The following DRG2 variants were observed in gnomAD, a reference collection of about 807,000 sequenced individuals.
DRG2 encodes the protein developmentally-regulated GTP-binding protein 2.
In DRG2, 36 loss-of-function variants were observed where a neutral mutation model predicts 53.4. The ratio of observed to expected loss-of-function variants is 0.67; its 90% CI spans 0.52 to 0.89. The LOEUF (loss-of-function observed/expected upper bound fraction) is 0.89. Ranked by LOEUF, DRG2 falls within the 40% of genes least tolerant of loss-of-function variation. DRG2 has a pLI of 0.00. For missense variants in DRG2, 342 were observed against 481.2 expected, an observed-to-expected ratio of 0.71 and a Z score of 2.71; for synonymous variants, 167 against 192.1, an observed-to-expected ratio of 0.87 and a Z score of 1.08.
intron 1 of DRG2, among the ~76,000 whole-genome samples, chr17:18,090,837 A>G (rs2045322212): frequency 7.0e-6 from 1 of 143,304 alleles, no homozygotes; most frequent in African/African-American, 2.6e-5. Context: ...CACCCGGCCA[A>G]TTTTTATGTT....
intron 2 of DRG2, chr17:18,097,942 G>A: frequency 5.2e-6 from 1 of 192,110 alleles, no homozygotes; most frequent in South Asian, 1.2e-4. Context: ...AAGTTCTCTG[G>A]GGCCAAGAGG....
At position 18,107,805 on chromosome 17, in the gene DRG2, G is replaced by A. The variant is rs1204318724; in HGVS notation, c.*565G>A. 3 of 154,898 alleles carry A rather than the reference G, an allele frequency of 1.9e-5. No homozygotes were observed. In the East Asian group the frequency reaches 5.7e-4, roughly 29 times the overall value. 9.6% of individuals were successfully genotyped at this position (154,898 alleles called of 1,614,324 possible). ...TCCACAGCCTAAGGGGTGTCCTAAA[G>A]TGCCTCCCCCTGTATTCCCCCTCCC... On this transcript the variant is annotated 3_prime_UTR_variant, in exon 13 of 13. Transcript: ENST00000225729.
chr17:18,091,576 G>C (rs2045335003), intron 1 of DRG2, among the ~76,000 whole-genome samples: 1 of 151,844 alleles, frequency 6.6e-6, no homozygotes, highest in Admixed American at 6.6e-5. Context: ...ACACCAGTGA[G>C]ACTTTGTTGG....
chr17:18,101,503 T>G lies in DRG2; in HGVS notation c.642T>G (p.Asn214Lys). 1 of 1,614,146 alleles carries G rather than the reference T, an allele frequency of 6.2e-7. No individual in the cohort carries two copies. Among genetic ancestry groups the G allele is most frequent in the Non-Finnish European group, 8.5e-7 (1 of 1,180,032 alleles). Residue 214 changes from asparagine to lysine, a missense_variant, in exon 8 of 13, where the codon AAT (asparagine) becomes AAG (lysine). Transcript: ENST00000225729. Reference sequence around the variant, plus strand: ...ATCGGAGCCCCTCAGAGATCTTCAATGCAGAAGTGCTTTTCCGAGAAGACT... The same window carrying G: ...ATCGGAGCCCCTCAGAGATCTTCAAGGCAGAAGTGCTTTTCCGAGAAGACT... ...QLILHEYKIF[N>K]AEVLFREDCS...
At position 18,099,991 on chromosome 17, in the gene DRG2, C is replaced by T; in HGVS notation, c.467+268C>T. 1.7e-6 allele frequency: 1 copy of T among 587,022 alleles called. No individual in the cohort carries two copies. Among genetic ancestry groups the T allele is most frequent in the East Asian group, 2.8e-5 (1 of 35,296 alleles). The allele number at this position is 587,022 out of a possible 1,614,324, so 36.4% of individuals were successfully genotyped here. Reference sequence around the variant, plus strand: ...GTTCAGAGGCACAGGTGCCTCATCACTGCCCAGAACCTGCCAGGAGCCCAG... The same window carrying T: ...GTTCAGAGGCACAGGTGCCTCATCATTGCCCAGAACCTGCCAGGAGCCCAG... On this transcript the variant is annotated intron_variant, in intron 5 of 12. Coordinates refer to ENST00000225729, the MANE Select transcript of DRG2 (RefSeq NM_001388.5). This position sits in a 1 kb window ranked among gnomAD's most constrained non-coding sequence, Gnocchi z 4.4.
At chr17:18,090,382 ATATATATATATATATATATATATATTTTT>A (rs2045299307) in intron 1 of DRG2, among the ~76,000 whole-genome samples, 3 of 9,628 alleles carry the variant, frequency 3.1e-4, no homozygotes, top group East Asian at 4.7e-3. Context: ...ATATATATAT[ATATATATATATATATATATATATATTTTT>A]TTTTTTTTTT....
chr17:18,093,175 C>T (rs1161243028), intron 1 of DRG2, among the ~76,000 whole-genome samples: 1 of 152,158 alleles, frequency 6.6e-6, no homozygotes, highest in African/African-American at 2.4e-5. Flanking sequence ...GCCCCCTGCC[C>T]AATAGATGCC....
intron 2 of DRG2, chr17:18,096,661 G>A (rs1277083765): frequency 3.3e-5 from 5 of 152,400 alleles, no homozygotes; most frequent in African/African-American, 9.6e-5. Context: ...CCATCTGGGC[G>A]CTGACTTACT....
At chr17:18,088,832 C>T (rs1175299767) in intron 1 of DRG2, among the ~76,000 whole-genome samples, 1 of 152,210 alleles carries the variant, frequency 6.6e-6, no homozygotes, top group Non-Finnish European at 1.5e-5. Context: ...AACGATGACA[C>T]CAGGACAAAG....
At chr17:18,101,774 C>G (rs1004971138) in intron 8 of DRG2, 147 bp from the exon 9 acceptor site, 2 of 1,137,070 alleles carry the variant, frequency 1.8e-6, no homozygotes, top group Non-Finnish European at 2.5e-6. Context: ...TCCAGCCCAG[C>G]CTTCCCAACC....
intron 1 of DRG2, among the ~76,000 whole-genome samples, chr17:18,089,181 C>T (rs1307393140): frequency 1.3e-5 from 2 of 152,172 alleles, no homozygotes; most frequent in Non-Finnish European, 2.9e-5. Context: ...TTCTGTCACC[C>T]AGGCTAGAGT....
chr17:18,101,794 C>A, intron 8 of DRG2, 127 bp from the exon 9 acceptor site: 3 of 1,212,342 alleles, frequency 2.5e-6, no homozygotes, highest in Non-Finnish European at 3.5e-6. Context: ...CCTGAGGCAG[C>A]AAGGGGAGGA....
At chr17:18,090,372 A>ATT (rs1567597852) in intron 1 of DRG2, among the ~76,000 whole-genome samples, 5 of 9,420 alleles carry the variant, frequency 5.3e-4, no homozygotes, top group Non-Finnish European at 6.8e-4. Flanking sequence ...GCTAATTTAT[A>ATT]TATATATATA....
In DRG2 at chr17:18,102,669, A is replaced by G. The variant is rs894217026; in HGVS notation, c.806+672A>G. ...GGCTTCTTAACTTAGTAGTGAACCAAGGTCCCCCCAAGAAGCCCTGGGTGT... is the reference window on the plus strand; with the variant it reads ...GGCTTCTTAACTTAGTAGTGAACCAGGGTCCCCCCAAGAAGCCCTGGGTGT... On this transcript the variant is annotated intron_variant, in intron 9 of 12. Transcript: ENST00000225729. 1.3e-4 allele frequency among the ~76,000 whole-genome samples: 20 copies of G among 150,524 alleles called. No homozygotes were observed. In the East Asian group the frequency reaches 3.9e-3, roughly 29 times the overall value.
At chr17:18,106,900 C>T (rs2045648888) in intron 12 of DRG2, among the ~76,000 whole-genome samples, 1 of 152,060 alleles carries the variant, frequency 6.6e-6, no homozygotes, top group Non-Finnish European at 1.5e-5. Flanking sequence ...CAGGCTGTCT[C>T]AAACACCTGA....
In DRG2 at chr17:18,098,259, T is replaced by C. The variant is rs772203199; in HGVS notation, c.226-11T>C. The C allele has an allele frequency of 1.2e-6, 2 of 1,611,844 alleles. No homozygotes were observed. Among genetic ancestry groups the C allele is most frequent in the African/African-American group, 1.3e-5 (1 of 74,904 alleles). Reference sequence around the variant, plus strand: ...AAGGCTCCTCAGTGCAATGATCTCCTTTTCTCCTAGTCCACATTCTTGAGT... The same window carrying C: ...AAGGCTCCTCAGTGCAATGATCTCCCTTTCTCCTAGTCCACATTCTTGAGT... On this transcript the variant is annotated splice_polypyrimidine_tract_variant and intron_variant, in intron 2 of 12. Transcript: ENST00000225729. The surrounding 1 kb of genome is among the most constrained non-coding windows in gnomAD (Gnocchi z 4.1).
At position 18,100,282 on chromosome 17, in the gene DRG2, A is replaced by G; in HGVS notation, c.468-81A>G. 16 of 1,414,590 alleles carry G rather than the reference A, an allele frequency of 1.1e-5. No individual in the cohort carries two copies. The highest frequency in any genetic ancestry group is 1.3e-5 in the Non-Finnish European group (13 of 1,000,638). 87.6% of individuals were successfully genotyped at this position (1,414,590 alleles called of 1,614,324 possible). On this transcript the variant is annotated intron_variant, in intron 5 of 12. Coordinates refer to ENST00000225729, the MANE Select transcript of DRG2 (RefSeq NM_001388.5). The surrounding 1 kb of genome is among the most constrained non-coding windows in gnomAD (Gnocchi z 4.1). The stretch of plus-strand genomic sequence containing the variant: ...GGAGAGAGTCAGTCTCTGGGTGGGC[A>G]GTGACATCCTGCGTAACAGGGAAGC...
chr17:18,106,567 T>A lies in DRG2; in HGVS notation c.1008+81T>A, dbSNP rs1193179144. On this transcript the variant is annotated intron_variant, in intron 12 of 12. Transcript: ENST00000225729. The stretch of plus-strand genomic sequence containing the variant: ...TAGGCATGAAGCAAGGCATTCACAC[T>A]CTCTGCGTGGTGTTCCTGTCCTTCC... 2.7e-6 allele frequency: 4 copies of A among 1,496,030 alleles called. No homozygotes were observed. In the African/African-American group the frequency reaches 4.1e-5, roughly 15 times the overall value. The allele number at this position is 1,496,030 out of a possible 1,614,324, so 92.7% of individuals were successfully genotyped here. A position where few individuals can be genotyped will look rare whatever the true frequency, so the allele number is the denominator to read the frequency against.
rs761443135 is a variant in DRG2 at position 18,101,484 on chromosome 17, G to A, written c.632-9G>A. The A allele has an allele frequency of 3.1e-6, 5 of 1,613,646 alleles. No homozygotes were observed. The highest frequency in any genetic ancestry group is 3.4e-6 in the Non-Finnish European group (4 of 1,179,818). ...GGTGCACAGGTTGCCCTTAATCGGA[G>A]CCCCTCAGAGATCTTCAATGCAGAA... On this transcript the variant is annotated splice_polypyrimidine_tract_variant and intron_variant, in intron 7 of 12. Transcript: ENST00000225729.
Sources: gnomAD v4.1 joint callset for allele counts (sites outside exome capture counted in the v4.1 genomes callset) on GRCh38, gnomAD v4.1.1 for gene constraint, Gnocchi (gnomAD v3.1) non-coding constraint, MANE v1.5 for transcripts, NCBI Gene and HGNC (gene_info 2026-07-23, HGNC 2026-07-21) for gene names.